The following CSMD2 variants were observed in gnomAD, a reference collection of about 807,000 sequenced individuals.
The protein encoded by CSMD2 is CUB and Sushi multiple domains 2, also known as CUB and sushi domain-containing protein 2.
A neutral mutation model predicts 398.5 loss-of-function variants in CSMD2; 130 were observed. The observed-to-expected ratio is 0.33, with a 90% CI of 0.28 to 0.38. The LOEUF is 0.38. Among genes scored for constraint, CSMD2 ranks in the 10% least tolerant of loss-of-function variants. The pLI is 1.00. For synonymous variants in CSMD2, 1,828 were observed against 1,908.5 expected (o/e 0.96, Z 1.10); for missense variants, 3,829 against 4,764.9 (o/e 0.80, Z 5.78).
intron 5 of CSMD2, among the ~76,000 whole-genome samples, chr1:33,914,526 T>TCA (rs1643626583): frequency 6.6e-6 from 1 of 152,110 alleles, no homozygotes; most frequent in East Asian, 1.9e-4. Context: ...TTGCTCATGG[T>TCA]CACACACACA....
intron 25 of CSMD2, among the ~76,000 whole-genome samples, chr1:33,688,351 T>C (rs1645123518): frequency 6.6e-6 from 1 of 152,198 alleles, no homozygotes; most frequent in Non-Finnish European, 1.5e-5. Flanking sequence ...TTTAGAAACA[T>C]GTGCATTACA....
At chr1:33,809,518 T>C (rs1013180546) in intron 10 of CSMD2, among the ~76,000 whole-genome samples, 3 of 151,992 alleles carry the variant, frequency 2.0e-5, no homozygotes, top group African/African-American at 7.2e-5. Context: ...AATTCTATTA[T>C]AAAAGGAGTA....
At chr1:33,997,079 C>T (rs1272505617) in intron 3 of CSMD2, among the ~76,000 whole-genome samples, 3 of 152,174 alleles carry the variant, frequency 2.0e-5, no homozygotes, top group African/African-American at 7.2e-5. Flanking sequence ...ACCCTCAGGC[C>T]ACACTGAATC....
In CSMD2 at chr1:33,700,545, G is replaced by T; in HGVS notation, c.3705C>A (p.Thr1235=). 1 of 1,614,192 alleles carries T rather than the reference G, an allele frequency of 6.2e-7. No individual in the cohort carries two copies. The highest frequency in any genetic ancestry group is 8.5e-7 in the Non-Finnish European group (1 of 1,180,030). ...WLDFITDAEN[T]SKGFELHFSS... The stretch of plus-strand genomic sequence containing the variant: ...AAAAGTGCAGTTCAAAGCCCTTGCT[G>T]GTGTTTTCAGCATCAGTGATGAAAT... The change falls in exon 23 of 71, where the codon ACC becomes ACA. Residue 1235 remains threonine (T), a synonymous_variant. Coordinates refer to ENST00000373381, the MANE Select transcript of CSMD2 (RefSeq NM_001281956.2).
intron 32 of CSMD2, among the ~76,000 whole-genome samples, chr1:33,628,505 C>T (rs1013537464): frequency 1.3e-5 from 2 of 151,888 alleles, no homozygotes; most frequent in African/African-American, 4.8e-5. Flanking sequence ...TCCATCTCTA[C>T]TAAACATACA....
chr1:34,159,096 G>A (rs964018183), intron 1 of CSMD2, among the ~76,000 whole-genome samples: 4 of 152,140 alleles, frequency 2.6e-5, no homozygotes, highest in African/African-American at 9.7e-5. Context: ...CATCAGCTCT[G>A]ACTGTCTCAT....
Position 33,600,802 on chromosome 1 carries a change from A to G in CSMD2, c.6856+63T>C. ...ATGATCCGCAAATGGTGGAGACGGG[A>G]GTCAAGCTCAGCCTTGACTTGAAAG... On this transcript the variant is annotated intron_variant, in intron 44 of 70. Coordinates refer to ENST00000373381, the MANE Select transcript of CSMD2 (RefSeq NM_001281956.2). 4 of 1,555,178 alleles carry G rather than the reference A, an allele frequency of 2.6e-6. No homozygotes were observed. In the Middle Eastern group the frequency reaches 6.8e-4, roughly 265 times the overall value.
intron 2 of CSMD2, among the ~76,000 whole-genome samples, chr1:34,044,323 G>A (rs1042928820): frequency 2.0e-5 from 3 of 152,168 alleles, no homozygotes; most frequent in African/African-American, 7.2e-5. Flanking sequence ...AATAAAATGC[G>A]TAGGAGGACT....
rs148687952 is a variant in CSMD2, at chr1:33,848,965, G to C, written c.921-1969C>G. On this transcript the variant is annotated intron_variant, in intron 5 of 70. Transcript: ENST00000373381. The stretch of plus-strand genomic sequence containing the variant: ...CAAAATGGAATGAGGGGAGGGTGCT[G>C]AGGTCTCAAGAGCAGGATGAGATTA... Among the ~76,000 whole-genome samples the C allele has an allele frequency of 2.5e-3, 380 of 152,286 alleles. 3 individuals are homozygous for C. The highest frequency in any genetic ancestry group is 8.3e-3 in the African/African-American group (346 of 41,560).
chr1:33,908,851 A>G (rs1335197045), intron 5 of CSMD2, among the ~76,000 whole-genome samples: 1 of 152,202 alleles, frequency 6.6e-6, no homozygotes, highest in African/African-American at 2.4e-5. Flanking sequence ...ACTCCAAGAG[A>G]TACAGGAGAC....
chr1:33,529,508 C>T (rs560098989), intron 64 of CSMD2, among the ~76,000 whole-genome samples: 10 of 152,162 alleles, frequency 6.6e-5, no homozygotes, highest in South Asian at 2.1e-4. Flanking sequence ...TGATTTTTGA[C>T]GGGAGTGTCA....
At chr1:33,891,823 C>T (rs1348966675) in intron 5 of CSMD2, among the ~76,000 whole-genome samples, 4 of 144,938 alleles carry the variant, frequency 2.8e-5, no homozygotes, top group Non-Finnish European at 4.5e-5. Context: ...ACTGCATGTT[C>T]TCACTCATAG....
chr1:33,718,870 A>C lies in CSMD2; in HGVS notation c.3002-2369T>G, dbSNP rs1571331658. The stretch of plus-strand genomic sequence containing the variant: ...TCCTGGAGGATTTGGGCTTCTATAG[A>C]TAGAGGTGGAGGAGACAGAACCCAA... On this transcript the variant is annotated intron_variant, in intron 19 of 70. Transcript: ENST00000373381. 3.3e-5 allele frequency among the ~76,000 whole-genome samples: 5 copies of C among 152,300 alleles called. No individual in the cohort carries two copies. The South Asian group carries it at 8.3e-4, about 25-fold the overall frequency.
chr1:33,635,704 CAGTG>C lies in CSMD2; in HGVS notation c.4970-378_4970-375del, dbSNP rs1642755356. On this transcript the variant is annotated intron_variant, in intron 30 of 70. Coordinates refer to ENST00000373381, the MANE Select transcript of CSMD2 (RefSeq NM_001281956.2). The surrounding 1 kb of genome is among the most constrained non-coding windows in gnomAD (Gnocchi z 5.0). ...TGCCCTGGCTGACATCTAACCTGGA[CAGTG>C]AGTGTCAGTGTGAATAGGGAGCTGA... Among the ~76,000 whole-genome samples, 1 of 152,184 alleles carries C rather than the reference CAGTG, an allele frequency of 6.6e-6. No homozygotes were observed. The highest frequency in any genetic ancestry group is 2.4e-5 in the African/African-American group (1 of 41,446).
intron 2 of CSMD2, among the ~76,000 whole-genome samples, chr1:34,078,744 C>G (rs942906717): frequency 1.3e-5 from 2 of 152,174 alleles, no homozygotes; most frequent in African/African-American, 2.4e-5. Context: ...CTCTATCTAC[C>G]AGACAAGTGA....
chr1:34,045,148 T>C (rs1570924319), intron 2 of CSMD2, among the ~76,000 whole-genome samples: 2 of 152,050 alleles, frequency 1.3e-5, no homozygotes, highest in Non-Finnish European at 2.9e-5. Flanking sequence ...AACTGGGAAA[T>C]GTGGAAAATC....
chr1:33,983,447 C>T (rs540567114), intron 3 of CSMD2, among the ~76,000 whole-genome samples: 1 of 152,160 alleles, frequency 6.6e-6, no homozygotes, highest in Non-Finnish European at 1.5e-5. Context: ...TCCTTGGAGA[C>T]TGGTTATGTA....
intron 28 of CSMD2, among the ~76,000 whole-genome samples, chr1:33,651,256 G>A (rs950672015): frequency 2.0e-5 from 3 of 152,176 alleles, no homozygotes; most frequent in Non-Finnish European, 4.4e-5. Context: ...TACATGAGGA[G>A]AGTGAAGGCG....
In CSMD2 at chr1:33,537,681, A is replaced by C. The variant is rs1655935726; in HGVS notation, c.9632-72T>G. 4 of 1,467,296 alleles carry C rather than the reference A, an allele frequency of 2.7e-6. No homozygotes were observed. In the Admixed American group the frequency reaches 8.7e-5, roughly 32 times the overall value. 90.9% of individuals were successfully genotyped at this position (1,467,296 alleles called of 1,614,324 possible). On this transcript the variant is annotated intron_variant, in intron 60 of 70. Transcript: ENST00000373381. The surrounding 1 kb of genome is among the most constrained non-coding windows in gnomAD (Gnocchi z 4.6). Reference sequence around the variant, plus strand: ...CCCAATCTTCCAGTCCCACACCCCCATCTTTGTTCTTTGCACTGCTCCCTT... The same window carrying C: ...CCCAATCTTCCAGTCCCACACCCCCCTCTTTGTTCTTTGCACTGCTCCCTT...
Sources: allele counts gnomAD v4.1 joint callset (sites outside exome capture counted in the v4.1 genomes callset), GRCh38; gene constraint gnomAD v4.1.1; non-coding constraint Gnocchi (gnomAD v3.1); transcripts MANE v1.5; gene names NCBI Gene and HGNC (gene_info 2026-07-23, HGNC 2026-07-21).